Variants in PPARA observed in about 807,000 individuals in gnomAD.
The protein encoded by PPARA is peroxisome proliferator-activated receptor alpha.
A neutral mutation model predicts 42.2 loss-of-function variants in PPARA; 22 were observed. That is an observed-to-expected ratio of 0.52 (90% CI 0.37 to 0.74). The LOEUF (loss-of-function observed/expected upper bound fraction) is 0.74. PPARA is among the 30% of genes least tolerant of loss of function. PPARA has a pLI of 0.00. For missense variants in PPARA, 465 were observed against 608.2 expected (o/e 0.76, Z 2.48); for synonymous variants, 242 against 239.3 (o/e 1.01, Z -0.10).
rs1485070060 is a variant in PPARA, at chr22:46,190,340, T to C, written c.-42-8002T>C. On this transcript the variant is annotated intron_variant, in intron 3 of 8. Transcript: ENST00000407236. This position sits in a 1 kb window ranked among gnomAD's most constrained non-coding sequence, Gnocchi z 5.6. ...GTAAATAGATTTCTGTAGGGTGGCATTATTAAGCATATTAAGTGGTTACAA... is the reference window on the plus strand; with the variant it reads ...GTAAATAGATTTCTGTAGGGTGGCACTATTAAGCATATTAAGTGGTTACAA... Among the ~76,000 whole-genome samples the C allele has an allele frequency of 6.6e-6, 1 of 152,208 alleles. No homozygotes were observed. Among genetic ancestry groups the C allele is most frequent in the Non-Finnish European group, 1.5e-5 (1 of 68,044 alleles).
Position 46,162,431 on chromosome 22 carries a change from C to G in PPARA, c.-127+10461C>G, listed in dbSNP as rs1054437056. 1.3e-5 allele frequency among the ~76,000 whole-genome samples: 2 copies of G among 152,172 alleles called. No individual in the cohort carries two copies. The highest frequency in any genetic ancestry group is 2.9e-5 in the Non-Finnish European group (2 of 68,034). On this transcript the variant is annotated intron_variant, in intron 2 of 8. Transcript: ENST00000407236. This position sits in a 1 kb window ranked among gnomAD's most constrained non-coding sequence, Gnocchi z 6.0. Reference sequence around the variant, plus strand: ...AGACACACTCCCTTACCCTCATACCCCGCCGCACCCCTGTGACCTCTACCT... The same window carrying G: ...AGACACACTCCCTTACCCTCATACCGCGCCGCACCCCTGTGACCTCTACCT...
At chr22:46,197,807 G>A (rs913704805) in intron 3 of PPARA, among the ~76,000 whole-genome samples, 7 of 152,054 alleles carry the variant, frequency 4.6e-5, no homozygotes, top group Non-Finnish European at 1.0e-4. Flanking sequence ...AGAAGGCTGA[G>A]GCAGGAGAAT....
chr22:46,232,260 G>A lies in PPARA; in HGVS notation c.1159+21G>A. On this transcript the variant is annotated intron_variant, in intron 8 of 8. Coordinates refer to ENST00000407236, the MANE Select transcript of PPARA (RefSeq NM_005036.6). The surrounding 1 kb of genome is among the most constrained non-coding windows in gnomAD (Gnocchi z 5.3). Reference sequence around the variant, plus strand: ...TGGAGGTGAGTGGTTGATTTAATCTGCTGGTATCATGTCACTGACAGGCTC... The same window carrying A: ...TGGAGGTGAGTGGTTGATTTAATCTACTGGTATCATGTCACTGACAGGCTC... 1.9e-6 allele frequency: 3 copies of A among 1,611,062 alleles called. No homozygotes were observed. The highest frequency in any genetic ancestry group is 2.5e-6 in the Non-Finnish European group (3 of 1,177,348).
chr22:46,201,320 A>T (rs1380567007), intron 4 of PPARA, among the ~76,000 whole-genome samples: 1 of 152,130 alleles, frequency 6.6e-6, no homozygotes, highest in Non-Finnish European at 1.5e-5. Flanking sequence ...TGAGCCCCTG[A>T]GGACTCTGGG....
chr22:46,198,824 C>A (rs963394103), intron 4 of PPARA, among the ~76,000 whole-genome samples: 17 of 152,046 alleles, frequency 1.1e-4, no homozygotes, highest in African/African-American at 3.9e-4. Flanking sequence ...CCACGCCCAG[C>A]TAATTTTTGT....
rs1930065177 is a variant in PPARA at position 46,182,229 on chromosome 22, G to A, written c.-43+5393G>A. ...AAGTATTTGGCCAAGAAAAAAGAAA[G>A]CATATATTCCATACAGAGTCTAGTC... On this transcript the variant is annotated intron_variant, in intron 3 of 8. Transcript: ENST00000407236. The surrounding 1 kb of genome is among the most constrained non-coding windows in gnomAD (Gnocchi z 5.2). Among the ~76,000 whole-genome samples the A allele has an allele frequency of 6.6e-6, 1 of 152,176 alleles. No homozygotes were observed. Among genetic ancestry groups the A allele is most frequent in the Non-Finnish European group, 1.5e-5 (1 of 68,030 alleles).
chr22:46,205,531 TATATATATATATATATATATATA>T (rs1250979692), intron 4 of PPARA, among the ~76,000 whole-genome samples: 5 of 30,908 alleles, frequency 1.6e-4, no homozygotes, highest in African/African-American at 8.2e-4. Context: ...TATATATATA[TATATATATATATATATATATATA>T]TTTTTTTTTT....
At chr22:46,205,417 G>A (rs1287738858) in intron 4 of PPARA, among the ~76,000 whole-genome samples, 2 of 145,370 alleles carry the variant, frequency 1.4e-5, no homozygotes, top group African/African-American at 2.5e-5. Flanking sequence ...ACGGGGTTTC[G>A]CCATGTTGCC....
Position 46,209,750 on chromosome 22 carries a change from G to A in PPARA, c.209-5423G>A, listed in dbSNP as rs116721599. ...GAATATGGTCAGAATAACTTTTTTT[G>A]CTGTTTTGTTTTAGAGACAGGGTCT... is the stretch of plus-strand genomic sequence containing the variant. On this transcript the variant is annotated intron_variant, in intron 4 of 8. Coordinates refer to ENST00000407236, the MANE Select transcript of PPARA (RefSeq NM_005036.6). Among the ~76,000 whole-genome samples, 1,159 of 151,902 alleles carry A rather than the reference G, an allele frequency of 7.6e-3. 16 individuals are homozygous for A. The highest frequency in any genetic ancestry group is 0.027 in the African/African-American group (1,115 of 41,472).
rs6008193 is a variant in PPARA, at chr22:46,224,241, G to T, written c.711+4227G>T. On this transcript the variant is annotated intron_variant, in intron 7 of 8. Transcript: ENST00000407236. The surrounding 1 kb of genome is among the most constrained non-coding windows in gnomAD (Gnocchi z 5.7). The stretch of plus-strand genomic sequence containing the variant: ...GGCACGGCCCCCTCCTCCCTGCCTA[G>T]CCTGCTGACGGGCTTTCCAGAGCTG... Among the ~76,000 whole-genome samples the T allele has an allele frequency of 1.5e-3, 229 of 152,350 alleles. 2 individuals are homozygous for T. Among genetic ancestry groups the T allele is most frequent in the African/African-American group, 5.3e-3 (219 of 41,594 alleles).
chr22:46,195,257 G>A lies in PPARA; in HGVS notation c.-42-3085G>A, dbSNP rs1015770443. On this transcript the variant is annotated intron_variant, in intron 3 of 8. Coordinates refer to ENST00000407236, the MANE Select transcript of PPARA (RefSeq NM_005036.6). The surrounding 1 kb of genome is among the most constrained non-coding windows in gnomAD (Gnocchi z 4.6). ...CTCATGGTTAATACAGTTAGTTAGTGACTGCAACTTTTGAACTTTTTGTTC... is the reference window on the plus strand; with the variant it reads ...CTCATGGTTAATACAGTTAGTTAGTAACTGCAACTTTTGAACTTTTTGTTC... 6.6e-6 allele frequency among the ~76,000 whole-genome samples: 1 copy of A among 152,126 alleles called. No homozygotes were observed. The highest frequency in any genetic ancestry group is 1.5e-5 in the Non-Finnish European group (1 of 68,024).
In PPARA at chr22:46,218,292, G is replaced by T. The variant is rs201964347; in HGVS notation, c.399G>T (p.Lys133Asn). The change falls in exon 6 of 9, where the codon AAG (lysine) becomes AAT (asparagine). Residue 133 changes from lysine (K) to asparagine (N), a missense_variant. This residue lies in a region of PPARA where 313 missense variants were observed against 469.1 expected (regional missense o/e 0.67). Coordinates refer to ENST00000407236, the MANE Select transcript of PPARA (RefSeq NM_005036.6). ...TCTTTCGGCGAACGATTCGACTCAA[G>T]CTGGTGTATGACAAGTGCGACCGCA... Reference protein sequence around the residue: ...KGFFRRTIRLKLVYDKCDRSC... With the variant: ...KGFFRRTIRLNLVYDKCDRSC... 2.4e-5 allele frequency: 39 copies of T among 1,613,982 alleles called. No homozygotes were observed. The highest frequency in any genetic ancestry group is 1.6e-4 in the Middle Eastern group (1 of 6,084).
chr22:46,215,366 G>A lies in PPARA; in HGVS notation c.369+33G>A, dbSNP rs41397552. The A allele has an allele frequency of 2.3e-3, 3,735 of 1,613,334 alleles. 143 individuals carry two copies. In the East Asian group the frequency reaches 0.069, roughly 30 times the overall value. On this transcript the variant is annotated intron_variant, in intron 5 of 8. Transcript: ENST00000407236. ...GGAGCTGGAACAGGGCCTGGTGGCC[G>A]CCACCATCAACTACTTATGGTCACT... is the stretch of plus-strand genomic sequence containing the variant.
intron 7 of PPARA, among the ~76,000 whole-genome samples, chr22:46,220,829 G>A (rs1043011502): frequency 6.6e-6 from 1 of 151,856 alleles, no homozygotes; most frequent in South Asian, 2.1e-4. Flanking sequence ...TGTAATTCCA[G>A]CTACTTGGGT....
rs759896371 is a variant in PPARA at position 46,215,200 on chromosome 22, C to T, written c.236C>T (p.Ser79Phe). The T allele has an allele frequency of 1.9e-6, 3 of 1,614,032 alleles. No homozygotes were observed. Among genetic ancestry groups the T allele is most frequent in the Non-Finnish European group, 2.5e-6 (3 of 1,180,046 alleles). Residue 79 changes from serine (S) to phenylalanine (F), a missense_variant, in exon 5 of 9, where the codon TCC becomes TTC. Physicochemically the swap from Ser to Phe is radical, Grantham distance 155. Transcript: ENST00000407236. ...ACGCTTTCACCAGCTTCGAGCCCCT[C>T]CTCGGTGACTTATCCTGTGGTCCCC... ...TDTLSPASSP[S>F]SVTYPVVPGS... is the part of the protein sequence containing the mutation.
rs117600700 is a variant in PPARA, at chr22:46,183,224, G to A, written c.-43+6388G>A. Among the ~76,000 whole-genome samples the A allele has an allele frequency of 1.5e-4, 23 of 152,318 alleles. No individual in the cohort carries two copies. Among genetic ancestry groups the A allele is most frequent in the East Asian group, 1.4e-3 (7 of 5,184 alleles). ...GTAATTCTCCACTGAACACACACTC[G>A]TTTAGCAGCATAAGCAGCAAGAGTT... On this transcript the variant is annotated intron_variant, in intron 3 of 8. Coordinates refer to ENST00000407236, the MANE Select transcript of PPARA (RefSeq NM_005036.6). This position sits in a 1 kb window ranked among gnomAD's most constrained non-coding sequence, Gnocchi z 5.5.
intron 2 of PPARA, among the ~76,000 whole-genome samples, chr22:46,168,666 A>T (rs540377896): frequency 6.6e-6 from 1 of 152,030 alleles, no homozygotes; most frequent in Admixed American, 6.6e-5. Flanking sequence ...ACATGAAAAG[A>T]TGTTCATGTG....
intron 5 of PPARA, 61 bp from the exon 6 acceptor site, chr22:46,218,202 G>T (rs909399683): frequency 6.3e-7 from 1 of 1,597,822 alleles, no homozygotes; most frequent in African/African-American, 1.3e-5. Context: ...GGTGAGTAAA[G>T]CAAGTGCGCT....
At chr22:46,197,954 G>A (rs1256415718) in intron 3 of PPARA, among the ~76,000 whole-genome samples, 6 of 148,592 alleles carry the variant, frequency 4.0e-5, no homozygotes, top group Admixed American at 6.7e-5. Context: ...ACAAACAGCC[G>A]GACGCAGTGG....
Sources: allele counts gnomAD v4.1 joint callset (sites outside exome capture counted in the v4.1 genomes callset), GRCh38; gene constraint gnomAD v4.1.1; regional missense constraint gnomAD v4.1.1; non-coding constraint Gnocchi (gnomAD v3.1); transcripts MANE v1.5; gene names NCBI Gene and HGNC (gene_info 2026-07-23, HGNC 2026-07-21).